Variants in KNG1 observed in about 807,000 individuals in gnomAD.
KNG1 encodes kininogen-1.
Under a neutral mutation model 47.8 loss-of-function variants are expected in KNG1, and 23 were observed. The observed-to-expected ratio is 0.48, with a 90% CI of 0.35 to 0.68. KNG1 has a LOEUF of 0.68. Among genes scored for constraint, KNG1 ranks in the 30% least tolerant of loss-of-function variants. The probability of loss-of-function intolerance (pLI) is 0.01; values close to 1 mark genes in which losing one functional copy is unlikely to be tolerated. For synonymous variants in KNG1, 277 were observed against 277.0 expected, an observed-to-expected ratio of 1.00 and a Z score of 0.00; for missense variants, 762 against 790.2, an observed-to-expected ratio of 0.96 and a Z score of 0.43.
At chr3:186,732,415 A>G (rs946601846) in intron 6 of KNG1, 87 bp from the exon 7 acceptor site, 100 of 1,277,102 alleles carry the variant, frequency 7.8e-5, no homozygotes, top group Non-Finnish European at 2.3e-5. Context: ...CCCCTTATAC[A>G]TGTGGATGCT....
chr3:186,724,672 T>C (rs1394907813), intron 3 of KNG1, among the ~76,000 whole-genome samples: 1 of 151,938 alleles, frequency 6.6e-6, no homozygotes, highest in Non-Finnish European at 1.5e-5. Context: ...GTGGGATGCA[T>C]GGTTTGCAAA....
intron 5 of KNG1, chr3:186,728,201 G>A (rs142970582): frequency 2.0e-5 from 3 of 152,220 alleles, no homozygotes; most frequent in South Asian, 2.1e-4. Context: ...AGTAGCTAGC[G>A]AATGTTAAGA....
chr3:186,723,610 A>G (rs1720266728), intron 3 of KNG1, among the ~76,000 whole-genome samples: 1 of 151,568 alleles, frequency 6.6e-6, no homozygotes, highest in South Asian at 2.1e-4. Context: ...TTCTTTGTTT[A>G]CGGCCAAATA....
In KNG1 at chr3:186,743,854, G is replaced by A; in HGVS notation, c.*1523G>A. ...CTCTGCCAGCAACCTTGAGAGGAAG[G>A]ACAAGAAGAAAGATGGGATAGAATT... On this transcript the variant is annotated 3_prime_UTR_variant, in exon 10 of 10. Transcript: ENST00000644859. The A allele has an allele frequency of 9.3e-7, 1 of 1,073,996 alleles. No homozygotes were observed. Among genetic ancestry groups the A allele is most frequent in the Non-Finnish European group, 1.5e-6 (1 of 688,244 alleles). The allele number at this position is 1,073,996 out of a possible 1,614,324, so 66.5% of individuals were successfully genotyped here.
chr3:186,723,125 T>TC (rs1720252374), intron 3 of KNG1, among the ~76,000 whole-genome samples: 1 of 151,968 alleles, frequency 6.6e-6, no homozygotes, highest in Admixed American at 6.6e-5. Flanking sequence ...CTTTTTCTTT[T>TC]TTTCTTTTAC....
intron 5 of KNG1, among the ~76,000 whole-genome samples, chr3:186,731,273 T>G (rs1276658855): frequency 1.3e-5 from 2 of 152,222 alleles, no homozygotes; most frequent in African/African-American, 4.8e-5. Context: ...CTTATTTTTT[T>G]AGAAATTTAC....
Position 186,742,442 on chromosome 3 carries a change from C to T in KNG1, c.*111C>T, listed in dbSNP as rs974087931. The stretch of plus-strand genomic sequence containing the variant: ...TAATGCACCAAAAACCATGCAGCTT[C>T]GGAACAGTCTAAAGAGAAGTGGTGA... On this transcript the variant is annotated 3_prime_UTR_variant, in exon 10 of 10. Transcript: ENST00000644859. 28 of 1,545,284 alleles carry T rather than the reference C, an allele frequency of 1.8e-5. No homozygotes were observed. The highest frequency in any genetic ancestry group is 8.2e-5 in the African/African-American group (6 of 72,906).
chr3:186,738,417 A>G (rs1199365563), intron 7 of KNG1: 1 of 151,508 alleles, frequency 6.6e-6, no homozygotes, highest in African/African-American at 2.4e-5. Context: ...TGGCAGGACA[A>G]TAAGGCATAT....
At position 186,725,212 on chromosome 3, in the gene KNG1, A is replaced by G. The variant is rs960572521; in HGVS notation, c.516A>G (p.Gln172=). ...HGIQYFNNNT[Q]HSSLFMLNEV... The stretch of plus-strand genomic sequence containing the variant: ...TTCAGTACTTTAACAACAACACTCA[A>G]CATTCCTCCCTCTTCATGCTTAATG... The change falls in exon 4 of 10, where the codon CAA becomes CAG. Residue 172 remains glutamine (Q), a synonymous_variant. Coordinates refer to ENST00000644859, the MANE Select transcript of KNG1 (RefSeq NM_001102416.3). 3 of 1,614,014 alleles carry G rather than the reference A, an allele frequency of 1.9e-6. No homozygotes were observed. The highest frequency in any genetic ancestry group is 2.5e-6 in the Non-Finnish European group (3 of 1,180,018).
chr3:186,727,184 C>T (rs1720397635), intron 4 of KNG1, 53 bp from the exon 5 acceptor site: 1 of 1,187,106 alleles, frequency 8.4e-7, no homozygotes, highest in Non-Finnish European at 1.3e-6. Context: ...TCATATCCCA[C>T]AGCGAATAAT....
intron 3 of KNG1, among the ~76,000 whole-genome samples, chr3:186,723,855 T>C (rs974986219): frequency 2.0e-4 from 30 of 152,126 alleles, no homozygotes; most frequent in African/African-American, 3.9e-4. Context: ...GGTTTCACCA[T>C]GTTGGCCAGG....
At chr3:186,727,086 A>T (rs1049005420) in intron 4 of KNG1, 151 bp from the exon 5 acceptor site, 10 of 641,808 alleles carry the variant, frequency 1.6e-5, no homozygotes, top group Non-Finnish European at 2.2e-5. Context: ...ATGTTTATTC[A>T]GCATTTTTTT....
At chr3:186,720,281 A>G in intron 2 of KNG1, 66 bp downstream of exon 2, 1 of 972,282 alleles carries the variant, frequency 1.0e-6, no homozygotes, top group Non-Finnish European at 1.7e-6. Flanking sequence ...TTTTTTACTG[A>G]TGCAGAAATG....
intron 7 of KNG1, among the ~76,000 whole-genome samples, chr3:186,733,655 A>C (rs1308112412): frequency 6.6e-6 from 1 of 152,116 alleles, no homozygotes; most frequent in African/African-American, 2.4e-5. Flanking sequence ...CCGTCTGTAA[A>C]ATGAGTGACT....
In KNG1 at chr3:186,738,999, C is replaced by A. The variant is rs1720736203; in HGVS notation, c.931-100C>A. 5.1e-6 allele frequency: 5 copies of A among 976,610 alleles called. No homozygotes were observed. The South Asian group carries it at 7.1e-5, about 14-fold the overall frequency. 60.5% of individuals were successfully genotyped at this position (976,610 alleles called of 1,614,324 possible). A position where few individuals can be genotyped will look rare whatever the true frequency, so the allele number is the denominator to read the frequency against. On this transcript the variant is annotated intron_variant, in intron 7 of 9. Transcript: ENST00000644859. ...TTTGTATGTAACTCTCTAAGTTGGT[C>A]AATTAAAATTTCAAGATTCTCCCTT...
chr3:186,725,400 G>A, intron 4 of KNG1, 140 bp downstream of exon 4: 2 of 786,254 alleles, frequency 2.5e-6, no homozygotes, highest in Non-Finnish European at 4.3e-6. Flanking sequence ...TAGTCAAAGT[G>A]AGTCGGATAG....
chr3:186,730,164 C>T (rs1469017515), intron 5 of KNG1, among the ~76,000 whole-genome samples: 15 of 147,018 alleles, frequency 1.0e-4, no homozygotes, highest in Non-Finnish European at 1.9e-4. Context: ...TTTTTTTTTT[C>T]CTTATCCAAG....
chr3:186,727,042 T>TGTGTGTGTGTGTG (rs376637646), intron 4 of KNG1, among the ~76,000 whole-genome samples, 195 bp from the exon 5 acceptor site: 2 of 143,850 alleles, frequency 1.4e-5, no homozygotes, highest in African/African-American at 5.2e-5. Flanking sequence ...GTGTGTGTGT[T>TGTGTGTGTGTGTG]TGTGTGAGAG....
chr3:186,739,777 C>T (rs745530251), intron 9 of KNG1, among the ~76,000 whole-genome samples: 5 of 152,182 alleles, frequency 3.3e-5, no homozygotes, highest in African/African-American at 9.7e-5. Flanking sequence ...CATGGCTGGG[C>T]GCGGTGGCTC....
Sources: gnomAD v4.1 joint callset for allele counts (sites outside exome capture counted in the v4.1 genomes callset) on GRCh38, gnomAD v4.1.1 for gene constraint, MANE v1.5 for transcripts, NCBI Gene and HGNC (gene_info 2026-07-23, HGNC 2026-07-21) for gene names.